The following CDH13 variants were observed in gnomAD, a reference collection of about 807,000 sequenced individuals.
CDH13 encodes the protein cadherin 13, also known as cadherin-13.
Under a neutral mutation model 63.8 loss-of-function variants are expected in CDH13, and 24 were observed. The ratio of observed to expected loss-of-function variants is 0.38; its 90% CI spans 0.27 to 0.53. The LOEUF is 0.53. CDH13 is among the 20% of genes least tolerant of loss of function. CDH13 has a pLI of 0.85. For synonymous variants in CDH13, 503 were observed against 355.3 expected (o/e 1.42, Z -4.67); for missense variants, 1,049 against 903.1 (o/e 1.16, Z -2.07).
chr16:83,650,492 G>T (rs1391885219), intron 8 of CDH13, among the ~76,000 whole-genome samples: 1 of 152,196 alleles, frequency 6.6e-6, no homozygotes, highest in Non-Finnish European at 1.5e-5. Context: ...CAACTGTCAT[G>T]TAGGGAGACC....
At chr16:83,755,825 A>G (rs572246061) in intron 11 of CDH13, among the ~76,000 whole-genome samples, 31 of 152,308 alleles carry the variant, frequency 2.0e-4, no homozygotes, top group African/African-American at 7.5e-4. Flanking sequence ...AGGCAGAGGG[A>G]AAATGATGCC....
rs945119653 is a variant in CDH13, at chr16:82,840,498, C to A, written c.46-17864C>A. Among the ~76,000 whole-genome samples, 4 of 151,502 alleles carry A rather than the reference C, an allele frequency of 2.6e-5. No individual in the cohort carries two copies. In the East Asian group the frequency reaches 5.8e-4, roughly 22 times the overall value. On this transcript the variant is annotated intron_variant, in intron 1 of 13. Transcript: ENST00000567109. Reference sequence around the variant, plus strand: ...AGGACTTTGAGACCAGCCTGACCAACATGGTGAAACCTCGTCTCTACTAAA... The same window carrying A: ...AGGACTTTGAGACCAGCCTGACCAAAATGGTGAAACCTCGTCTCTACTAAA...
intron 3 of CDH13, among the ~76,000 whole-genome samples, chr16:83,032,808 T>C (rs1343874749): frequency 6.6e-6 from 1 of 152,160 alleles, no homozygotes; most frequent in African/African-American, 2.4e-5. Flanking sequence ...TGAAAACTCA[T>C]GGACTGAGAG....
At chr16:82,905,432 CGTGTGTGTGTGTGTGTGTGT>C (rs140795057) in intron 2 of CDH13, among the ~76,000 whole-genome samples, 1 of 143,530 alleles carries the variant, frequency 7.0e-6, no homozygotes, top group African/African-American at 2.7e-5. Flanking sequence ...ATGAATCACA[CGTGTGTGTGTGTGTGTGTGT>C]GTGTGTGTGT....
At chr16:83,596,640 G>A (rs1396118905) in intron 7 of CDH13, among the ~76,000 whole-genome samples, 1 of 152,156 alleles carries the variant, frequency 6.6e-6, no homozygotes, top group East Asian at 1.9e-4. Flanking sequence ...GTGACTCCGA[G>A]AGCTAGGAAA....
Position 83,791,821 on chromosome 16 carries a change from A to G in CDH13, c.2135-3202A>G, listed in dbSNP as rs941203441. Among the ~76,000 whole-genome samples, 624 of 152,018 alleles carry G rather than the reference A, an allele frequency of 4.1e-3. 9 individuals are homozygous for G. Among genetic ancestry groups the G allele is most frequent in the Middle Eastern group, 0.01 (3 of 294 alleles). ...GCAAGACTTTGTCTCCAAAAAAAAA[A>G]AAAAAAAAAAGCCAAGATGAGCAAA... On this transcript the variant is annotated intron_variant, in intron 13 of 13. Transcript: ENST00000567109.
At chr16:82,671,732 G>T (rs754063291) in intron 1 of CDH13, among the ~76,000 whole-genome samples, 111 of 152,292 alleles carry the variant, frequency 7.3e-4, no homozygotes, top group Non-Finnish European at 1.2e-3. Flanking sequence ...CAATTTATCA[G>T]ATCCAGATTT....
At chr16:82,997,936 G>T (rs1173904297) in intron 2 of CDH13, among the ~76,000 whole-genome samples, 2 of 152,164 alleles carry the variant, frequency 1.3e-5, no homozygotes, top group African/African-American at 4.8e-5. Flanking sequence ...CATTTATTAA[G>T]TCACTCATAT....
intron 4 of CDH13, among the ~76,000 whole-genome samples, chr16:83,184,472 G>A (rs1053194353): frequency 6.6e-6 from 1 of 152,116 alleles, no homozygotes; most frequent in Non-Finnish European, 1.5e-5. Flanking sequence ...GTGAGGCCAG[G>A]GGCAGGGTGC....
chr16:83,347,873 C>T (rs1041575389), intron 6 of CDH13, among the ~76,000 whole-genome samples: 10 of 152,304 alleles, frequency 6.6e-5, no homozygotes, highest in African/African-American at 2.4e-4. Flanking sequence ...CGCATTTCTT[C>T]CTGGGCCTTG....
chr16:83,193,051 C>G (rs1025322282), intron 4 of CDH13, among the ~76,000 whole-genome samples: 1 of 151,940 alleles, frequency 6.6e-6, no homozygotes, highest in Non-Finnish European at 1.5e-5. Flanking sequence ...TCAGATGGCA[C>G]ACTCGGAGTT....
At chr16:82,699,320 C>T (rs1262932288) in intron 1 of CDH13, among the ~76,000 whole-genome samples, 5 of 152,018 alleles carry the variant, frequency 3.3e-5, no homozygotes, top group Non-Finnish European at 7.4e-5. Flanking sequence ...AACTAAGCTT[C>T]CAGGAGGACC....
At chr16:83,611,124 C>G (rs984436530) in intron 8 of CDH13, among the ~76,000 whole-genome samples, 16 of 152,080 alleles carry the variant, frequency 1.1e-4, no homozygotes, top group Non-Finnish European at 2.2e-4. Context: ...GTCTTTCAAC[C>G]ATTTTTTAAG....
intron 3 of CDH13, among the ~76,000 whole-genome samples, chr16:83,112,302 G>T (rs899332091): frequency 6.6e-6 from 1 of 152,216 alleles, no homozygotes; most frequent in Admixed American, 6.5e-5. Flanking sequence ...ACTGCACTGT[G>T]TGAAGACATT....
intron 10 of CDH13, among the ~76,000 whole-genome samples, chr16:83,690,501 G>A (rs772207158): frequency 1.3e-5 from 2 of 152,162 alleles, no homozygotes; most frequent in Admixed American, 6.5e-5. Context: ...CAGCAAGTTG[G>A]GGGATGGTGG....
At chr16:83,042,850 T>C (rs1218016936) in intron 3 of CDH13, among the ~76,000 whole-genome samples, 1 of 152,214 alleles carries the variant, frequency 6.6e-6, no homozygotes, top group African/African-American at 2.4e-5. Flanking sequence ...CAGTGGAGAA[T>C]GAATCTGCAC....
At position 83,632,577 on chromosome 16, in the gene CDH13, C is replaced by T. The variant is rs530749523; in HGVS notation, c.1101+29983C>T. 1.0e-3 allele frequency among the ~76,000 whole-genome samples: 155 copies of T among 151,510 alleles called. 1 individual carries two copies. The highest frequency in any genetic ancestry group is 3.5e-3 in the African/African-American group (146 of 41,282). ...ATGCACCCAGGTTACAGCAGGTTAT[C>T]CTCAAGTGCCCCACGGAGTAGTGAC... On this transcript the variant is annotated intron_variant, in intron 8 of 13. Transcript: ENST00000567109.
intron 7 of CDH13, among the ~76,000 whole-genome samples, chr16:83,592,802 C>T (rs1280052737): frequency 6.6e-6 from 1 of 152,130 alleles, no homozygotes; most frequent in Non-Finnish European, 1.5e-5. Context: ...TAAAAAACAG[C>T]AGGTGACAGC....
At chr16:82,683,450 G>A (rs1057302097) in intron 1 of CDH13, among the ~76,000 whole-genome samples, 1 of 152,176 alleles carries the variant, frequency 6.6e-6, no homozygotes, top group Non-Finnish European at 1.5e-5. Flanking sequence ...TCACCCCAGT[G>A]ACACGGAAGG....
Sources: gnomAD v4.1 joint callset for allele counts (sites outside exome capture counted in the v4.1 genomes callset) on GRCh38, gnomAD v4.1.1 for gene constraint, MANE v1.5 for transcripts, NCBI Gene and HGNC (gene_info 2026-07-23, HGNC 2026-07-21) for gene names.